The following NFIA variants were observed in gnomAD, a reference collection of about 807,000 sequenced individuals.
NFIA encodes the protein nuclear factor I A.
In NFIA, 8 loss-of-function variants were observed where a neutral mutation model predicts 62.8. The ratio of observed to expected loss-of-function variants is 0.13; its 90% CI spans 0.07 to 0.23. NFIA has a LOEUF of 0.23. Among genes scored for constraint, NFIA ranks in the 10% least tolerant of loss-of-function variants. NFIA has a pLI of 1.00. For missense variants in NFIA, 410 were observed against 642.1 expected (o/e 0.64, Z 3.91); for synonymous variants, 235 against 238.1 (o/e 0.99, Z 0.12).
intron 2 of NFIA, among the ~76,000 whole-genome samples, chr1:61,122,369 A>T (rs1420244107): frequency 6.6e-6 from 1 of 152,216 alleles, no homozygotes; most frequent in Non-Finnish European, 1.5e-5. Flanking sequence ...AAGTTGCTGT[A>T]AGAGTTATAT....
At chr1:61,221,511 A>G (rs1191686414) in intron 2 of NFIA, among the ~76,000 whole-genome samples, 1 of 152,172 alleles carries the variant, frequency 6.6e-6, no homozygotes, top group Non-Finnish European at 1.5e-5. Context: ...CCTTCCATAG[A>G]CACTTAGCAT....
Position 61,088,419 on chromosome 1 carries a change from C to A in NFIA, c.298C>A (p.Pro100Thr). Residue 100 changes from proline to threonine, a missense_variant, in exon 2 of 11, where the codon CCT becomes ACT. Pro to Thr is a conservative substitution (Grantham distance 38, BLOSUM62 -1). This residue lies in a region of NFIA where 86 missense variants were observed against 124.6 expected (regional missense o/e 0.69). Coordinates refer to ENST00000403491, the MANE Select transcript of NFIA (RefSeq NM_001134673.4). This position sits in a 1 kb window ranked among gnomAD's most constrained non-coding sequence, Gnocchi z 4.5. The part of the protein sequence containing the change: ...DFVLTVTGKK[P>T]PCCVLSNPDQ... ...TGTTCTTACAGTTACAGGGAAAAAA[C>A]CTCCATGTTGTGTTCTTTCCAACCC... 9 of 1,613,938 alleles carry A rather than the reference C, an allele frequency of 5.6e-6. No homozygotes were observed. Among genetic ancestry groups the A allele is most frequent in the South Asian group, 1.1e-5 (1 of 91,070 alleles).
chr1:61,194,495 C>T (rs539662703), intron 2 of NFIA, among the ~76,000 whole-genome samples: 5 of 152,248 alleles, frequency 3.3e-5, no homozygotes, highest in African/African-American at 1.2e-4. Context: ...TTTATATCAA[C>T]TTTAGGTCGT....
intron 3 of NFIA, among the ~76,000 whole-genome samples, chr1:61,286,207 C>T (rs1658481359): frequency 6.6e-6 from 1 of 151,756 alleles, no homozygotes; most frequent in Non-Finnish European, 1.5e-5. Context: ...GCAGGCGGAT[C>T]ACGAGGTCAG....
At chr1:61,134,425 T>C (rs1647141771) in intron 2 of NFIA, among the ~76,000 whole-genome samples, 2 of 152,134 alleles carry the variant, frequency 1.3e-5, no homozygotes. Context: ...CAGTAAAAGG[T>C]GGTGAGTCAG....
rs77123311 is a variant in NFIA at position 61,432,512 on chromosome 1, C to T, written c.1512+5956C>T. Among the ~76,000 whole-genome samples the T allele has an allele frequency of 1.4e-3, 206 of 151,698 alleles. 5 individuals carry two copies. In the East Asian group the frequency reaches 0.037, roughly 27 times the overall value. On this transcript the variant is annotated intron_variant, in intron 10 of 10. Transcript: ENST00000403491. The stretch of plus-strand genomic sequence containing the variant: ...TGCCTGAGTGTAGAAGGTTAGTTAC[C>T]ACACAGAAGTTCAAGGAGCAGCTGG...
chr1:61,080,596 T>C (rs1358479494), upstream of NFIA, among the ~76,000 whole-genome samples: 1 of 152,184 alleles, frequency 6.6e-6, no homozygotes, highest in Admixed American at 6.5e-5. Context: ...ATGTTGTCTC[T>C]GTAACACAGC....
At chr1:61,284,906 C>T (rs530944921) in intron 3 of NFIA, among the ~76,000 whole-genome samples, 2 of 147,006 alleles carry the variant, frequency 1.4e-5, no homozygotes, top group South Asian at 2.1e-4. Flanking sequence ...AGGAGAGACC[C>T]AGAAGTGCCT....
chr1:61,118,918 C>G (rs1013257174), intron 2 of NFIA, among the ~76,000 whole-genome samples: 1 of 152,018 alleles, frequency 6.6e-6, no homozygotes, highest in South Asian at 2.1e-4. Context: ...GAAATAATTG[C>G]TGTAGCCATC....
chr1:61,185,565 A>G (rs1265627449), intron 2 of NFIA, among the ~76,000 whole-genome samples: 1 of 151,750 alleles, frequency 6.6e-6, no homozygotes, highest in Non-Finnish European at 1.5e-5. Flanking sequence ...ATAAAATCCA[A>G]ACTTGTTGCA....
intron 3 of NFIA, among the ~76,000 whole-genome samples, chr1:61,301,096 A>G (rs546505920): frequency 6.6e-6 from 1 of 152,282 alleles, no homozygotes; most frequent in East Asian, 1.9e-4. Context: ...CCTCAAGGGA[A>G]GGAAGCTTTC....
At chr1:61,314,208 A>T (rs1660254253) in intron 3 of NFIA, among the ~76,000 whole-genome samples, 1 of 152,056 alleles carries the variant, frequency 6.6e-6, no homozygotes, top group Non-Finnish European at 1.5e-5. Flanking sequence ...CACTAGTTTA[A>T]TGCCCCCCTC....
rs917017414 is a variant in NFIA at position 61,461,435 on chromosome 1, T to C, written c.*6115T>C. On this transcript the variant is annotated 3_prime_UTR_variant, in exon 11 of 11. Coordinates refer to ENST00000403491, the MANE Select transcript of NFIA (RefSeq NM_001134673.4). ...TAACACGGGATTTTTTTAATATACT[T>C]TTTTTGGTCTAAATTTGAAATTACT... 8 of 152,150 alleles carry C rather than the reference T, an allele frequency of 5.3e-5. No individual in the cohort carries two copies. Among genetic ancestry groups the C allele is most frequent in the Non-Finnish European group, 8.8e-5 (6 of 68,042 alleles). 9.4% of individuals were successfully genotyped at this position (152,150 alleles called of 1,614,324 possible).
intron 2 of NFIA, among the ~76,000 whole-genome samples, chr1:61,124,480 A>T (rs926071210): frequency 2.6e-5 from 4 of 152,056 alleles, no homozygotes; most frequent in Non-Finnish European, 5.9e-5. Flanking sequence ...CTTCTTAAGG[A>T]TTTTCTATTT....
At chr1:61,363,743 A>ACAATATATAAG (rs1663431308) in intron 6 of NFIA, among the ~76,000 whole-genome samples, 1 of 152,206 alleles carries the variant, frequency 6.6e-6, no homozygotes, top group African/African-American at 2.4e-5. Flanking sequence ...TACATAGGAC[A>ACAATATATAAG]CAATATATAA....
rs778497645 is a variant in NFIA, at chr1:61,456,629, G to C, written c.*1309G>C. 2.7e-5 allele frequency: 4 copies of C among 150,412 alleles called. No individual in the cohort carries two copies. Among genetic ancestry groups the C allele is most frequent in the African/African-American group, 4.9e-5 (2 of 40,988 alleles). 9.3% of individuals were successfully genotyped at this position (150,412 alleles called of 1,614,324 possible). On this transcript the variant is annotated 3_prime_UTR_variant, in exon 11 of 11. Coordinates refer to ENST00000403491, the MANE Select transcript of NFIA (RefSeq NM_001134673.4). ...CCAGAGATTGTCCAGAAGTTTTAAAGACCTTTGCATCCCTGAACTGGGCTA... is the reference window on the plus strand; with the variant it reads ...CCAGAGATTGTCCAGAAGTTTTAAACACCTTTGCATCCCTGAACTGGGCTA...
At chr1:61,110,168 ACT>A (rs1278602378) in intron 2 of NFIA, among the ~76,000 whole-genome samples, 1 of 151,708 alleles carries the variant, frequency 6.6e-6, no homozygotes, top group African/African-American at 2.4e-5. Context: ...GAATGAGATG[ACT>A]CTGCCTGGTG....
chr1:61,435,940 C>A (rs1667307957), intron 10 of NFIA, among the ~76,000 whole-genome samples: 1 of 152,154 alleles, frequency 6.6e-6, no homozygotes, highest in African/African-American at 2.4e-5. Context: ...CCTCCACACA[C>A]TCCCTATGTG....
chr1:61,229,804 G>A (rs1296117499), intron 2 of NFIA, among the ~76,000 whole-genome samples: 1 of 152,104 alleles, frequency 6.6e-6, no homozygotes, highest in Non-Finnish European at 1.5e-5. Context: ...ATACAATTTA[G>A]CATTGATTCC....
Sources: gnomAD v4.1 joint callset for allele counts (sites outside exome capture counted in the v4.1 genomes callset) on GRCh38, gnomAD v4.1.1 for gene constraint, gnomAD v4.1.1 regional missense constraint, Gnocchi (gnomAD v3.1) non-coding constraint, MANE v1.5 for transcripts, NCBI Gene and HGNC (gene_info 2026-07-23, HGNC 2026-07-21) for gene names.